The following GRIK2 variants were observed in gnomAD, a reference collection of about 807,000 sequenced individuals.
GRIK2 encodes glutamate ionotropic receptor kainate type subunit 2.
Under a neutral mutation model 100.3 loss-of-function variants are expected in GRIK2, and 32 were observed. That is an observed-to-expected ratio of 0.32 (90% CI 0.24 to 0.43). The LOEUF is 0.43. GRIK2 is among the 20% of genes least tolerant of loss of function. The pLI, the probability that GRIK2 is intolerant of heterozygous loss-of-function variation, is 1.00. For missense variants in GRIK2, 843 were observed against 1,114.9 expected (o/e 0.76, Z 3.47); for synonymous variants, 417 against 389.4 (o/e 1.07, Z -0.83).
At chr6:101,672,893 A>G (rs1165265661) in intron 4 of GRIK2, among the ~76,000 whole-genome samples, 4 of 152,164 alleles carry the variant, frequency 2.6e-5, no homozygotes, top group Admixed American at 2.6e-4. Flanking sequence ...ATACACATGC[A>G]TGTTTTTTAA....
intron 2 of GRIK2, among the ~76,000 whole-genome samples, chr6:101,528,596 A>C (rs1775267057): frequency 1.3e-5 from 2 of 152,126 alleles, no homozygotes; most frequent in East Asian, 3.9e-4. Context: ...GGATGGGAAC[A>C]AACACACCTC....
chr6:101,586,098 TG>T (rs1778345702), intron 2 of GRIK2, among the ~76,000 whole-genome samples: 1 of 151,982 alleles, frequency 6.6e-6, no homozygotes, highest in South Asian at 2.1e-4. Context: ...GTCCTGAAGC[TG>T]GGCGCCTACA....
intron 12 of GRIK2, among the ~76,000 whole-genome samples, chr6:101,910,010 C>CTTATA (rs10684049): frequency 6.6e-6 from 1 of 150,576 alleles, no homozygotes; most frequent in Non-Finnish European, 1.5e-5. Context: ...TATAAAATCT[C>CTTATA]TAGTAATTGT....
intron 2 of GRIK2, among the ~76,000 whole-genome samples, chr6:101,582,741 A>G (rs1450409545): frequency 2.0e-5 from 3 of 152,306 alleles, no homozygotes; most frequent in East Asian, 3.9e-4. Context: ...AAATACACAC[A>G]TAAAGGGAGT....
chr6:101,514,429 G>C (rs1423582091), intron 2 of GRIK2, among the ~76,000 whole-genome samples: 3 of 152,042 alleles, frequency 2.0e-5, no homozygotes. Flanking sequence ...TGGAGACAGG[G>C]AAGGGAGAGG....
At chr6:101,478,516 T>G (rs1772368660) in intron 2 of GRIK2, among the ~76,000 whole-genome samples, 1 of 149,306 alleles carries the variant, frequency 6.7e-6, no homozygotes, top group Non-Finnish European at 1.5e-5. Context: ...GTTTTTTTTT[T>G]TTTTTTTTTT....
intron 11 of GRIK2, among the ~76,000 whole-genome samples, chr6:101,883,962 G>T (rs1786440956): frequency 6.6e-6 from 1 of 152,138 alleles, no homozygotes; most frequent in Non-Finnish European, 1.5e-5. Context: ...GTTTTAGAAA[G>T]AACCTTCTGG....
intron 14 of GRIK2, among the ~76,000 whole-genome samples, chr6:102,031,801 T>C (rs1770016149): frequency 6.6e-6 from 1 of 151,388 alleles, no homozygotes; most frequent in Non-Finnish European, 1.5e-5. Flanking sequence ...GACATGATTT[T>C]GTTCTTTTTT....
At chr6:101,676,972 A>G (rs1454765359) in intron 5 of GRIK2, among the ~76,000 whole-genome samples, 168 bp downstream of exon 5, 1 of 152,152 alleles carries the variant, frequency 6.6e-6, no homozygotes, top group African/African-American at 2.4e-5. Flanking sequence ...CTTAAAAGAA[A>G]AGTAATGTAA....
chr6:101,430,122 CT>C (rs1250019601), intron 2 of GRIK2, among the ~76,000 whole-genome samples: 6 of 152,286 alleles, frequency 3.9e-5, no homozygotes, highest in Admixed American at 3.3e-4. Context: ...AAACCACGGA[CT>C]TTTCTTCCAC....
chr6:101,874,410 T>C (rs1401618957), intron 11 of GRIK2, among the ~76,000 whole-genome samples: 2 of 152,148 alleles, frequency 1.3e-5, no homozygotes, highest in African/African-American at 2.4e-5. Context: ...TGGTTGTTGA[T>C]GTGTGGTATT....
chr6:101,517,148 A>G (rs1248736304), intron 2 of GRIK2, among the ~76,000 whole-genome samples: 1 of 152,074 alleles, frequency 6.6e-6, no homozygotes, highest in African/African-American at 2.4e-5. Flanking sequence ...AAACATTATA[A>G]TGCTAAATGG....
chr6:101,912,659 C>T (rs1211933596), intron 12 of GRIK2, among the ~76,000 whole-genome samples: 1 of 151,596 alleles, frequency 6.6e-6, no homozygotes, highest in Non-Finnish European at 1.5e-5. Flanking sequence ...TTCCACGCCA[C>T]CTCATCTAGT....
chr6:101,754,396 A>G (rs1266521910), intron 7 of GRIK2, among the ~76,000 whole-genome samples: 2 of 152,204 alleles, frequency 1.3e-5, no homozygotes, highest in African/African-American at 4.8e-5. Flanking sequence ...GTTGTAGGAG[A>G]CAGTAAAATG....
intron 13 of GRIK2, among the ~76,000 whole-genome samples, chr6:101,925,010 A>G (rs1236365645): frequency 6.6e-6 from 1 of 152,210 alleles, no homozygotes; most frequent in Non-Finnish European, 1.5e-5. Flanking sequence ...ATCATTAGCC[A>G]GAAGCTGCAT....
At chr6:101,598,817 G>C (rs1277002159) in intron 2 of GRIK2, among the ~76,000 whole-genome samples, 1 of 151,422 alleles carries the variant, frequency 6.6e-6, no homozygotes, top group Non-Finnish European at 1.5e-5. Flanking sequence ...ATTTTGGTCA[G>C]TTAATTTTCT....
At chr6:101,860,368 T>C (rs1349402613) in intron 11 of GRIK2, among the ~76,000 whole-genome samples, 4 of 152,186 alleles carry the variant, frequency 2.6e-5, no homozygotes, top group Admixed American at 2.0e-4. Context: ...GCAAGATGGC[T>C]GAATATATAT....
At chr6:101,418,404 C>T (rs1232250507) in intron 2 of GRIK2, among the ~76,000 whole-genome samples, 4 of 151,930 alleles carry the variant, frequency 2.6e-5, no homozygotes, top group Non-Finnish European at 5.9e-5. Flanking sequence ...GATTACGTAT[C>T]GAGGGGTGGG....
In GRIK2 at chr6:102,002,907, T is replaced by A. The variant is rs902655116; in HGVS notation, c.2086-32434T>A. Among the ~76,000 whole-genome samples, 31 of 151,170 alleles carry A rather than the reference T, an allele frequency of 2.1e-4. 1 individual carries two copies. Among genetic ancestry groups the A allele is most frequent in the Non-Finnish European group, 5.9e-5 (4 of 67,568 alleles). ...TATTCTATTCATCTATGTTTAAATA[T>A]TGCATGGAATTTGACTTTATCCTTT... On this transcript the variant is annotated intron_variant, in intron 14 of 16. Transcript: ENST00000369134.
Sources: allele counts gnomAD v4.1 joint callset (sites outside exome capture counted in the v4.1 genomes callset), GRCh38; gene constraint gnomAD v4.1.1; transcripts MANE v1.5; gene names NCBI Gene and HGNC (gene_info 2026-07-23, HGNC 2026-07-21).